GOLGA2: variants seen among roughly 807,000 people sequenced by gnomAD.
GOLGA2 encodes the protein golgin A2, also known as golgin subfamily A member 2.
In GOLGA2, 49 loss-of-function variants were observed where a neutral mutation model predicts 148.8. That is an observed-to-expected ratio of 0.33 (90% CI 0.26 to 0.42). GOLGA2 has a LOEUF of 0.42. Among genes scored for constraint, GOLGA2 ranks in the 10% least tolerant of loss-of-function variants. The pLI is 1.00. For missense variants in GOLGA2, 1,178 were observed against 1,304.6 expected (o/e 0.90, Z 1.49); for synonymous variants, 501 against 511.8 (o/e 0.98, Z 0.28).
intron 3 of GOLGA2, among the ~76,000 whole-genome samples, chr9:128,272,322 A>G (rs1831005823): frequency 1.3e-5 from 2 of 151,988 alleles, no homozygotes; most frequent in South Asian, 4.1e-4. Flanking sequence ...CATCTCTACT[A>G]AAAATACAAA....
At position 128,258,254 on chromosome 9, in the gene GOLGA2, G is replaced by C; in HGVS notation, c.2290-56C>G. ...AGGATATATAGGATGAACAGGGCAG[G>C]GAGGTAGAGAGCAGCCCTTCCCTTG... is the stretch of plus-strand genomic sequence containing the variant. On this transcript the variant is annotated intron_variant, in intron 22 of 26. Transcript: ENST00000611957. The surrounding 1 kb of genome is among the most constrained non-coding windows in gnomAD (Gnocchi z 6.6). 1 of 1,382,328 alleles carries C rather than the reference G, an allele frequency of 7.2e-7. No homozygotes were observed. Among genetic ancestry groups the C allele is most frequent in the Non-Finnish European group, 1.0e-6 (1 of 1,002,716 alleles). 85.6% of individuals were successfully genotyped at this position (1,382,328 alleles called of 1,614,324 possible). A position where few individuals can be genotyped will look rare whatever the true frequency, so the allele number is the denominator to read the frequency against.
In GOLGA2 at chr9:128,266,393, C is replaced by G. The variant is rs550267323; in HGVS notation, c.643-68G>C. On this transcript the variant is annotated intron_variant, in intron 8 of 26. Coordinates refer to ENST00000611957, the MANE Select transcript of GOLGA2 (RefSeq NM_001366244.2). This position sits in a 1 kb window ranked among gnomAD's most constrained non-coding sequence, Gnocchi z 4.2. Reference sequence around the variant, plus strand: ...TCAACTCTATTCCCCAGACCAGGAACGGGTAGGCAGGGGCCAGGAATGGAT... The same window carrying G: ...TCAACTCTATTCCCCAGACCAGGAAGGGGTAGGCAGGGGCCAGGAATGGAT... 7.1e-7 allele frequency: 1 copy of G among 1,402,284 alleles called. No homozygotes were observed. Among genetic ancestry groups the G allele is most frequent in the Admixed American group, 1.7e-5 (1 of 59,536 alleles). The allele number at this position is 1,402,284 out of a possible 1,614,324, so 86.9% of individuals were successfully genotyped here.
At chr9:128,265,364 G>A (rs763038230) in intron 12 of GOLGA2, among the ~76,000 whole-genome samples, 8 of 152,130 alleles carry the variant, frequency 5.3e-5, no homozygotes, top group South Asian at 2.1e-4. Context: ...CTTGGCCTCC[G>A]AGCTCTGCGT....
At position 128,266,349 on chromosome 9, in the gene GOLGA2, G is replaced by T; in HGVS notation, c.643-24C>A. Reference sequence around the variant, plus strand: ...TTCTGTGGGGAAGAGTCAAAGGAAGGTGACTGAGGGTGGCCCCCTCAACTC... The same window carrying T: ...TTCTGTGGGGAAGAGTCAAAGGAAGTTGACTGAGGGTGGCCCCCTCAACTC... On this transcript the variant is annotated intron_variant, in intron 8 of 26. Coordinates refer to ENST00000611957, the MANE Select transcript of GOLGA2 (RefSeq NM_001366244.2). The surrounding 1 kb of genome is among the most constrained non-coding windows in gnomAD (Gnocchi z 4.2). 3 of 1,605,606 alleles carry T rather than the reference G, an allele frequency of 1.9e-6. No homozygotes were observed. The highest frequency in any genetic ancestry group is 2.6e-6 in the Non-Finnish European group (3 of 1,173,416).
intron 3 of GOLGA2, among the ~76,000 whole-genome samples, chr9:128,270,186 T>C (rs1005576278): frequency 8.5e-6 from 1 of 117,882 alleles, no homozygotes; most frequent in African/African-American, 3.4e-5. Flanking sequence ...CAGGCTGGAG[T>C]GTAGTGGCGA....
chr9:128,268,266 C>T, intron 4 of GOLGA2, 106 bp from the exon 5 acceptor site: 1 of 1,203,668 alleles, frequency 8.3e-7, no homozygotes, highest in Non-Finnish European at 1.2e-6. Context: ...TTCAATCTCC[C>T]CAGGCCTCAA....
At position 128,257,286 on chromosome 9, in the gene GOLGA2, G is replaced by GGA. The variant is rs761381485; in HGVS notation, c.2876-7_2876-6dup. 1.7e-5 allele frequency: 27 copies of GGA among 1,612,598 alleles called. No homozygotes were observed. Among genetic ancestry groups the GGA allele is most frequent in the Admixed American group, 3.3e-5 (2 of 59,968 alleles). ...CGAGGCTCACCTCGCAAAGATCTTTGGAGAGAGAGAGGCAGGGCTCTGAGT... is the reference window on the plus strand; with the variant it reads ...CGAGGCTCACCTCGCAAAGATCTTTGGAGAGAGAGAGAGGCAGGGCTCTGAGT... On this transcript the variant is annotated splice_polypyrimidine_tract_variant and splice_region_variant and intron_variant, in intron 26 of 26. Transcript: ENST00000611957. The surrounding 1 kb of genome is among the most constrained non-coding windows in gnomAD (Gnocchi z 8.0).
At chr9:128,268,305 C>T (rs531137714) in intron 4 of GOLGA2, 115 bp downstream of exon 4, 27 of 1,035,000 alleles carry the variant, frequency 2.6e-5, no homozygotes, top group South Asian at 7.8e-5. Context: ...AGCCTTCCCC[C>T]GGCCCGGTCC....
chr9:128,261,271 A>G lies in GOLGA2; in HGVS notation c.1333-12T>C, dbSNP rs1187430935. On this transcript the variant is annotated splice_polypyrimidine_tract_variant and intron_variant, in intron 16 of 26. Coordinates refer to ENST00000611957, the MANE Select transcript of GOLGA2 (RefSeq NM_001366244.2). This position sits in a 1 kb window ranked among gnomAD's most constrained non-coding sequence, Gnocchi z 5.7. ...CTCAATGTGTGCACCTGCCCAAAGC[A>G]CAGCAAGAAAGGGCCCTGGAGAGGG... The G allele has an allele frequency of 6.2e-7, 1 of 1,607,092 alleles. No individual in the cohort carries two copies. The highest frequency in any genetic ancestry group is 8.5e-7 in the Non-Finnish European group (1 of 1,173,912).
At position 128,261,615 on chromosome 9, in the gene GOLGA2, C is replaced by G. The variant is rs1286241245; in HGVS notation, c.1224+53G>C. On this transcript the variant is annotated intron_variant, in intron 15 of 26. Coordinates refer to ENST00000611957, the MANE Select transcript of GOLGA2 (RefSeq NM_001366244.2). The surrounding 1 kb of genome is among the most constrained non-coding windows in gnomAD (Gnocchi z 5.7). ...GGACTGTCACTGGTTGTCACCTACT[C>G]CTGGCCACCTGGGGTCATCTTCCTT... 13 of 1,515,124 alleles carry G rather than the reference C, an allele frequency of 8.6e-6. No individual in the cohort carries two copies. Among genetic ancestry groups the G allele is most frequent in the Non-Finnish European group, 9.2e-6 (10 of 1,089,598 alleles). 93.9% of individuals were successfully genotyped at this position (1,515,124 alleles called of 1,614,324 possible). A position where few individuals can be genotyped will look rare whatever the true frequency, so the allele number is the denominator to read the frequency against.
chr9:128,258,028 C>T lies in GOLGA2; in HGVS notation c.2460G>A (p.Val820=). 1 of 1,611,994 alleles carries T rather than the reference C, an allele frequency of 6.2e-7. No individual in the cohort carries two copies. Residue 820 remains valine, a synonymous_variant, in exon 23 of 27, where the codon GTG becomes GTA. Coordinates refer to ENST00000611957, the MANE Select transcript of GOLGA2 (RefSeq NM_001366244.2). This position sits in a 1 kb window ranked among gnomAD's most constrained non-coding sequence, Gnocchi z 6.6. ...GCAGGGCCCGGTGGGTCTCCCCACACACAGAATCACCCCCGGTCCCTGGGG... is the reference window on the plus strand; with the variant it reads ...GCAGGGCCCGGTGGGTCTCCCCACATACAGAATCACCCCCGGTCCCTGGGG... The part of the protein sequence containing the change: ...APAPGTGGDS[V]CGETHRALQG...
intron 6 of GOLGA2, 127 bp from the exon 7 acceptor site, chr9:128,267,644 C>A: frequency 4.0e-6 from 3 of 744,278 alleles, no homozygotes; most frequent in Non-Finnish European, 7.1e-6. Context: ...CCCGTAACCC[C>A]TTTGTGCCAA....
rs12005130 is a variant in GOLGA2, at chr9:128,269,605, G to C, written c.289-1081C>G. ...CCCACCCAGCCTCTCTCCAGGCTCT[G>C]ACCTTACTCTTCGCCCAAGCCTCTG... is the stretch of plus-strand genomic sequence containing the variant. On this transcript the variant is annotated intron_variant, in intron 3 of 26. Transcript: ENST00000611957. 1.5e-3 allele frequency among the ~76,000 whole-genome samples: 225 copies of C among 152,322 alleles called. 1 individual carries two copies. The highest frequency in any genetic ancestry group is 5.2e-3 in the African/African-American group (215 of 41,572).
rs778599759 is a variant in GOLGA2 at position 128,257,376 on chromosome 9, C to T, written c.2868G>A (p.Gln956=). ...CCCGAGGGCTCTACTCACCACCCTGCTGGTTGGCAGCCCCAAGTTCCTGGG... is the reference window on the plus strand; with the variant it reads ...CCCGAGGGCTCTACTCACCACCCTGTTGGTTGGCAGCCCCAAGTTCCTGGG... ...PAPQELGAAN[Q]QGDLCEVSLA... Residue 956 remains glutamine, a synonymous_variant, in exon 26 of 27, where the codon CAG becomes CAA. Transcript: ENST00000611957. The surrounding 1 kb of genome is among the most constrained non-coding windows in gnomAD (Gnocchi z 8.0). 1 of 1,613,050 alleles carries T rather than the reference C, an allele frequency of 6.2e-7. No homozygotes were observed. The highest frequency in any genetic ancestry group is 8.5e-7 in the Non-Finnish European group (1 of 1,179,970).
chr9:128,256,221 C>T lies in GOLGA2; in HGVS notation c.*846G>A, dbSNP rs1394460450. On this transcript the variant is annotated 3_prime_UTR_variant, in exon 27 of 27. Transcript: ENST00000611957. The stretch of plus-strand genomic sequence containing the variant: ...GGTGAGAGTAAGGAGGCCATGAGGC[C>T]TCTTCCAAAGAGGCCAATTATATGA... The T allele has an allele frequency of 1.3e-5, 2 of 152,380 alleles. No homozygotes were observed. The highest frequency in any genetic ancestry group is 2.9e-5 in the Non-Finnish European group (2 of 68,052). 9.4% of individuals were successfully genotyped at this position (152,380 alleles called of 1,614,324 possible).
Position 128,268,680 on chromosome 9 carries a change from C to T in GOLGA2, c.289-156G>A, listed in dbSNP as rs147033447. Among the ~76,000 whole-genome samples the T allele has an allele frequency of 1.2e-4, 18 of 152,290 alleles. 1 individual carries two copies. In the East Asian group the frequency reaches 3.3e-3, roughly 28 times the overall value. On this transcript the variant is annotated intron_variant, in intron 3 of 26. Transcript: ENST00000611957. ...CACTCAGGGGTGTGGATTGGTTGCC[C>T]AGGCCTTGGGCTGCTAGGCAGCATT...
chr9:128,261,378 C>T lies in GOLGA2; in HGVS notation c.1332+76G>A. 1.6e-6 allele frequency: 2 copies of T among 1,215,662 alleles called. No individual in the cohort carries two copies. The highest frequency in any genetic ancestry group is 2.4e-6 in the Non-Finnish European group (2 of 816,744). 75.3% of individuals were successfully genotyped at this position (1,215,662 alleles called of 1,614,324 possible). ...CCCATGACCACCTCTGGCTGTGCTC[C>T]TCCCATTTCGCAGATGCCCAGAAAG... On this transcript the variant is annotated intron_variant, in intron 16 of 26. Transcript: ENST00000611957. This position sits in a 1 kb window ranked among gnomAD's most constrained non-coding sequence, Gnocchi z 5.7.
chr9:128,267,642 C>G, intron 6 of GOLGA2, 125 bp from the exon 7 acceptor site: 1 of 746,392 alleles, frequency 1.3e-6, no homozygotes, highest in East Asian at 2.6e-5. Context: ...GTCCCGTAAC[C>G]CCTTTGTGCC....
Position 128,261,945 on chromosome 9 carries a change from T to G in GOLGA2, c.1135-188A>C, listed in dbSNP as rs1830301763. ...CAGGCCAGGCATGGTGGCTGATGCCTGTAATCTCAACACTTTGGGAGGCTG... is the reference window on the plus strand; with the variant it reads ...CAGGCCAGGCATGGTGGCTGATGCCGGTAATCTCAACACTTTGGGAGGCTG... On this transcript the variant is annotated intron_variant, in intron 14 of 26. Transcript: ENST00000611957. This position sits in a 1 kb window ranked among gnomAD's most constrained non-coding sequence, Gnocchi z 5.7. 1 of 575,544 alleles carries G rather than the reference T, an allele frequency of 1.7e-6. No homozygotes were observed. The highest frequency in any genetic ancestry group is 3.1e-6 in the Non-Finnish European group (1 of 323,668). 35.7% of individuals were successfully genotyped at this position (575,544 alleles called of 1,614,324 possible).
Sources: allele counts gnomAD v4.1 joint callset (sites outside exome capture counted in the v4.1 genomes callset), GRCh38; gene constraint gnomAD v4.1.1; non-coding constraint Gnocchi (gnomAD v3.1); transcripts MANE v1.5; gene names NCBI Gene and HGNC (gene_info 2026-07-23, HGNC 2026-07-21).